Variants in FBXL17 observed in about 807,000 individuals in gnomAD.
The protein encoded by FBXL17 is F-box and leucine rich repeat protein 17.
FBXL17 carries 22 observed loss-of-function variants against 66.2 expected under a neutral mutation model. That is an observed-to-expected ratio of 0.33 (90% CI 0.24 to 0.47). FBXL17 has a LOEUF of 0.47. Ranked by LOEUF, FBXL17 falls within the 20% of genes least tolerant of loss-of-function variation. The probability of loss-of-function intolerance (pLI) is 1.00; values close to 1 mark genes in which losing one functional copy is unlikely to be tolerated. For synonymous variants in FBXL17, 474 were observed against 400.5 expected (o/e 1.18, Z -2.19); for missense variants, 878 against 948.2 (o/e 0.93, Z 0.97).
chr5:108,110,936 C>T (rs1007801242), intron 6 of FBXL17, among the ~76,000 whole-genome samples: 2 of 152,102 alleles, frequency 1.3e-5, no homozygotes, highest in African/African-American at 4.8e-5. Flanking sequence ...TACTAAGCCT[C>T]CCTTTCCTCC....
chr5:108,265,150 T>C (rs1301852734), intron 4 of FBXL17, among the ~76,000 whole-genome samples: 1 of 152,122 alleles, frequency 6.6e-6, no homozygotes, highest in African/African-American at 2.4e-5. Flanking sequence ...ACACTGATTA[T>C]TTCATTGTCC....
chr5:108,373,401 G>C (rs137929619), intron 1 of FBXL17, among the ~76,000 whole-genome samples: 5,025 of 138,446 alleles, frequency 0.036, 552 homozygotes, highest in African/African-American at 0.14. Flanking sequence ...AATATATTTA[G>C]ATATGTTATA....
chr5:108,002,753 T>C (rs1177007873), intron 7 of FBXL17, among the ~76,000 whole-genome samples: 1 of 152,148 alleles, frequency 6.6e-6, no homozygotes, highest in East Asian at 1.9e-4. Flanking sequence ...AAAATACTAA[T>C]ACATGCCACA....
At chr5:108,273,054 G>T (rs1204666985) in intron 4 of FBXL17, among the ~76,000 whole-genome samples, 2 of 152,166 alleles carry the variant, frequency 1.3e-5, no homozygotes, top group Non-Finnish European at 2.9e-5. Context: ...ATGCCCACAA[G>T]CCACAAAAAC....
At chr5:108,166,815 T>C (rs1752433033) in intron 6 of FBXL17, among the ~76,000 whole-genome samples, 1 of 152,194 alleles carries the variant, frequency 6.6e-6, no homozygotes, top group African/African-American at 2.4e-5. Flanking sequence ...ACTAGATCAT[T>C]TTCTCAACTG....
intron 5 of FBXL17, among the ~76,000 whole-genome samples, chr5:108,214,518 C>T (rs149413319): frequency 8.4e-4 from 127 of 152,072 alleles, no homozygotes; most frequent in East Asian, 4.1e-3. Context: ...GAGGCACATG[C>T]CACTGCACCC....
intron 6 of FBXL17, among the ~76,000 whole-genome samples, chr5:108,134,522 A>T (rs1334291713): frequency 6.6e-6 from 1 of 152,206 alleles, no homozygotes; most frequent in African/African-American, 2.4e-5. Flanking sequence ...AAAACCTCGT[A>T]TCTGAACTGC....
intron 6 of FBXL17, among the ~76,000 whole-genome samples, chr5:108,133,782 G>A (rs2149979090): frequency 6.6e-6 from 1 of 152,204 alleles, no homozygotes. Context: ...TATTCTTACT[G>A]ACTGTAAAAT....
At chr5:108,093,250 T>C (rs768703066) in intron 6 of FBXL17, among the ~76,000 whole-genome samples, 1 of 151,802 alleles carries the variant, frequency 6.6e-6, no homozygotes, top group East Asian at 1.9e-4. Flanking sequence ...ACTGTTATTA[T>C]AATGTTCCCA....
chr5:108,334,744 G>A (rs1760295963), intron 4 of FBXL17, among the ~76,000 whole-genome samples: 1 of 152,104 alleles, frequency 6.6e-6, no homozygotes, highest in African/African-American at 2.4e-5. Context: ...TTTTCCAGGA[G>A]AAAACAAAGG....
intron 7 of FBXL17, among the ~76,000 whole-genome samples, chr5:107,931,403 G>C (rs987435447): frequency 1.3e-5 from 2 of 151,794 alleles, no homozygotes; most frequent in Admixed American, 1.3e-4. Flanking sequence ...GGAACTACAG[G>C]TGTGTGTCAC....
At chr5:108,325,690 G>A (rs1759816525) in intron 4 of FBXL17, among the ~76,000 whole-genome samples, 2 of 152,094 alleles carry the variant, frequency 1.3e-5, no homozygotes, top group South Asian at 4.1e-4. Flanking sequence ...GTCTGGAATT[G>A]GATCATAGGT....
At chr5:108,109,308 A>T (rs1484594267) in intron 6 of FBXL17, among the ~76,000 whole-genome samples, 1 of 152,124 alleles carries the variant, frequency 6.6e-6, no homozygotes, top group Non-Finnish European at 1.5e-5. Context: ...GAAGCAGGTC[A>T]TAAGACTTTC....
At chr5:108,252,116 G>A (rs537201852) in intron 4 of FBXL17, among the ~76,000 whole-genome samples, 1 of 152,216 alleles carries the variant, frequency 6.6e-6, no homozygotes, top group East Asian at 1.9e-4. Flanking sequence ...GGGTGTTGGA[G>A]ACAATATAAA....
chr5:108,024,664 CTT>C (rs1484148504), intron 6 of FBXL17, among the ~76,000 whole-genome samples: 1 of 152,028 alleles, frequency 6.6e-6, no homozygotes, highest in Non-Finnish European at 1.5e-5. Flanking sequence ...TATATAAACT[CTT>C]TTGGAATACA....
intron 6 of FBXL17, among the ~76,000 whole-genome samples, chr5:108,080,859 G>T (rs1748734589): frequency 6.6e-6 from 1 of 152,172 alleles, no homozygotes; most frequent in African/African-American, 2.4e-5. Flanking sequence ...AAGCCTCCAA[G>T]TAGCAGGTTT....
At chr5:108,356,556 A>G (rs1235956774) in intron 3 of FBXL17, among the ~76,000 whole-genome samples, 4 of 152,144 alleles carry the variant, frequency 2.6e-5, no homozygotes. Flanking sequence ...TACTAAGTGA[A>G]GGAATCCAAT....
At chr5:107,862,693 A>G (rs1484250956) in intron 8 of FBXL17, among the ~76,000 whole-genome samples, 1 of 152,234 alleles carries the variant, frequency 6.6e-6, no homozygotes, top group Non-Finnish European at 1.5e-5. Flanking sequence ...AAATACATCA[A>G]TATTTCATTT....
chr5:108,363,497 T>C (rs915823259), intron 3 of FBXL17, among the ~76,000 whole-genome samples: 1 of 152,008 alleles, frequency 6.6e-6, no homozygotes, highest in African/African-American at 2.4e-5. Flanking sequence ...AACTAATTCA[T>C]AATTCAGAAA....
Sources: allele counts gnomAD v4.1 joint callset (sites outside exome capture counted in the v4.1 genomes callset), GRCh38; gene constraint gnomAD v4.1.1; transcripts MANE v1.5; gene names NCBI Gene and HGNC (gene_info 2026-07-23, HGNC 2026-07-21).